Variants in TECPR2 observed in about 807,000 individuals in gnomAD.
TECPR2 encodes the protein tectonin beta-propeller repeat-containing protein 2.
A neutral mutation model predicts 138.1 loss-of-function variants in TECPR2; 65 were observed. The observed-to-expected ratio is 0.47, with a 90% CI of 0.39 to 0.58. The LOEUF is 0.58. TECPR2 is among the 20% of genes least tolerant of loss of function. The probability of loss-of-function intolerance (pLI) is 0.00; values close to 1 mark genes in which losing one functional copy is unlikely to be tolerated. For missense variants in TECPR2, 1,553 were observed against 1,824.5 expected, an observed-to-expected ratio of 0.85 and a Z score of 2.71; for synonymous variants, 746 against 749.8, an observed-to-expected ratio of 0.99 and a Z score of 0.08.
At chr14:102,493,791 C>T (rs1237316533) in intron 17 of TECPR2, among the ~76,000 whole-genome samples, 1 of 152,228 alleles carries the variant, frequency 6.6e-6, no homozygotes, top group African/African-American at 2.4e-5. Context: ...ACAGGCGCGG[C>T]TCCCTCGGAT....
At chr14:102,437,241 T>C in intron 9 of TECPR2, 3 of 969,168 alleles carry the variant, frequency 3.1e-6, no homozygotes, top group Non-Finnish European at 3.7e-6. Context: ...TATTTAGCTT[T>C]GATTTTTAAA....
chr14:102,469,628 C>T (rs1297295768), intron 17 of TECPR2, among the ~76,000 whole-genome samples: 1 of 152,108 alleles, frequency 6.6e-6, no homozygotes, highest in Non-Finnish European at 1.5e-5. Flanking sequence ...CGAGAATGGG[C>T]CTCCTAGTCT....
chr14:102,422,488 T>C (rs80171336), intron 5 of TECPR2, among the ~76,000 whole-genome samples: 5,738 of 152,266 alleles, frequency 0.038, 122 homozygotes, highest in Middle Eastern at 0.092. Context: ...GCAGTAGAAA[T>C]GAATTAGTGC....
chr14:102,431,555 G>C (rs568393469), intron 7 of TECPR2, among the ~76,000 whole-genome samples: 3 of 152,150 alleles, frequency 2.0e-5, no homozygotes, highest in Non-Finnish European at 4.4e-5. Flanking sequence ...TGTTAGCCAG[G>C]ATGGTCTTGA....
At chr14:102,403,608 A>G (rs1012492775) in intron 2 of TECPR2, among the ~76,000 whole-genome samples, 2 of 152,222 alleles carry the variant, frequency 1.3e-5, no homozygotes, top group African/African-American at 2.4e-5. Context: ...AGATGACATG[A>G]TCTTGTATGT....
intron 17 of TECPR2, among the ~76,000 whole-genome samples, chr14:102,473,163 C>T (rs1049584317): frequency 1.3e-5 from 2 of 152,262 alleles, no homozygotes; most frequent in Non-Finnish European, 2.9e-5. Context: ...GCCTCTGCCT[C>T]TCCTGTGGCT....
intron 2 of TECPR2, among the ~76,000 whole-genome samples, chr14:102,393,434 C>A (rs1323224964): frequency 6.6e-6 from 1 of 152,126 alleles, no homozygotes; most frequent in Non-Finnish European, 1.5e-5. Context: ...TATTAATAAT[C>A]ATATTAAATA....
intron 2 of TECPR2, among the ~76,000 whole-genome samples, chr14:102,404,089 A>G (rs1888579107): frequency 6.7e-6 from 1 of 150,060 alleles, no homozygotes; most frequent in African/African-American, 2.5e-5. Context: ...TTTTTTGTAG[A>G]GATGGGGTCT....
chr14:102,482,056 C>CT lies in TECPR2; in HGVS notation c.3790-14912dup, dbSNP rs796858052. On this transcript the variant is annotated intron_variant, in intron 17 of 19. Coordinates refer to ENST00000359520, the MANE Select transcript of TECPR2 (RefSeq NM_014844.5). Reference sequence around the variant, plus strand: ...CTTGTTTGCTCATCTAGTTTTTTTTCTTTTTTTTTTTGAGACAGAGCCTTG... The same window carrying CT: ...CTTGTTTGCTCATCTAGTTTTTTTTCTTTTTTTTTTTTGAGACAGAGCCTTG... 4.2e-3 allele frequency among the ~76,000 whole-genome samples: 584 copies of CT among 140,560 alleles called. 4 individuals are homozygous for CT. The highest frequency in any genetic ancestry group is 0.013 in the African/African-American group (509 of 39,402). 92.2% of individuals were successfully genotyped at this position (140,560 alleles called of 152,430 possible). A position where few individuals can be genotyped will look rare whatever the true frequency, so the allele number is the denominator to read the frequency against.
intron 5 of TECPR2, among the ~76,000 whole-genome samples, chr14:102,423,924 A>G (rs1282354110): frequency 6.6e-6 from 1 of 152,234 alleles, no homozygotes; most frequent in African/African-American, 2.4e-5. Context: ...CGTCAGAAGC[A>G]ACAGAATCAG....
intron 17 of TECPR2, among the ~76,000 whole-genome samples, chr14:102,476,223 A>C (rs1016759377): frequency 3.3e-5 from 5 of 151,030 alleles, no homozygotes; most frequent in South Asian, 2.1e-4. Context: ...AAAAAAAAAA[A>C]AAAAAAAACA....
At chr14:102,374,410 C>T (rs1028999607) in intron 1 of TECPR2, among the ~76,000 whole-genome samples, 3 of 152,066 alleles carry the variant, frequency 2.0e-5, no homozygotes, top group African/African-American at 4.8e-5. Context: ...CTCTGTCACT[C>T]GGGCTAGAGT....
At chr14:102,451,077 C>T (rs1013856468) in intron 15 of TECPR2, among the ~76,000 whole-genome samples, 13 of 152,208 alleles carry the variant, frequency 8.5e-5, no homozygotes, top group African/African-American at 1.2e-4. Flanking sequence ...ACATTTGCAC[C>T]GCATTAGGCA....
Position 102,434,462 on chromosome 14 carries a change from G to A in TECPR2, c.1645G>A (p.Val549Ile), listed in dbSNP as rs1257886017. ...AAATACTGACCCCGAAACGTTTAAT[G>A]TCCTGGAGGTGTCAGGATCAATGCC... ...QENTDPETFN[V>I]LEVSGSMPDS... Residue 549 changes from valine (V) to isoleucine (I), a missense_variant, in exon 9 of 20, where the codon GTC (valine) becomes ATC (isoleucine). Transcript: ENST00000359520. 1 of 1,550,538 alleles carries A rather than the reference G, an allele frequency of 6.4e-7. No homozygotes were observed. The highest frequency in any genetic ancestry group is 2.0e-5 in the Admixed American group (1 of 49,442).
At chr14:102,459,402 T>TC (rs1007759104) in intron 16 of TECPR2, among the ~76,000 whole-genome samples, 3 of 152,146 alleles carry the variant, frequency 2.0e-5, no homozygotes, top group African/African-American at 7.2e-5. Flanking sequence ...ATGATGTGAC[T>TC]CCCACCCTCC....
chr14:102,370,486 C>G (rs1887473129), intron 1 of TECPR2, among the ~76,000 whole-genome samples: 1 of 152,186 alleles, frequency 6.6e-6, no homozygotes, highest in African/African-American at 2.4e-5. Context: ...ACGAAAGTGC[C>G]TGCCAGAGAT....
At chr14:102,438,517 A>T in intron 10 of TECPR2, 1 of 289,308 alleles carries the variant, frequency 3.5e-6, no homozygotes, top group Non-Finnish European at 6.4e-6. Context: ...AAATTGAGGG[A>T]CTTTTTTAGG....
chr14:102,460,009 G>A (rs1353695117), intron 16 of TECPR2, among the ~76,000 whole-genome samples: 6 of 152,116 alleles, frequency 3.9e-5, no homozygotes, highest in African/African-American at 1.4e-4. Context: ...GGTGGCTCAC[G>A]CTTGTAATCC....
chr14:102,414,571 TC>T, intron 4 of TECPR2, 64 bp from the exon 5 acceptor site: 1 of 1,592,768 alleles, frequency 6.3e-7, no homozygotes, highest in South Asian at 1.1e-5. Context: ...CACTGACTTG[TC>T]CTAAGGGAGG....
Sources: allele counts gnomAD v4.1 joint callset (sites outside exome capture counted in the v4.1 genomes callset), GRCh38; gene constraint gnomAD v4.1.1; transcripts MANE v1.5; gene names NCBI Gene and HGNC (gene_info 2026-07-23, HGNC 2026-07-21).